Variants in CSMD1 observed in about 807,000 individuals in gnomAD.
CSMD1 encodes the protein CUB and Sushi multiple domains 1, also known as CUB and sushi domain-containing protein 1.
A neutral mutation model predicts 417.5 loss-of-function variants in CSMD1; 213 were observed. That is an observed-to-expected ratio of 0.51 (90% CI 0.46 to 0.57). CSMD1 has a LOEUF of 0.57. CSMD1 is among the 20% of genes least tolerant of loss of function. The pLI is 0.00. For missense variants in CSMD1, 6,923 were observed against 4,529.7 expected, an observed-to-expected ratio of 1.53 and a Z score of -15.17; for synonymous variants, 2,862 against 1,736.8, an observed-to-expected ratio of 1.65 and a Z score of -16.11.
chr8:2,992,797 G>C (rs907777814), intron 54 of CSMD1, among the ~76,000 whole-genome samples: 4 of 151,982 alleles, frequency 2.6e-5, no homozygotes, highest in Non-Finnish European at 2.9e-5. Flanking sequence ...GGCTGGAAGT[G>C]CCGTGTCTTG....
At chr8:4,075,613 C>G (rs1393570302) in intron 3 of CSMD1, among the ~76,000 whole-genome samples, 1 of 152,120 alleles carries the variant, frequency 6.6e-6, no homozygotes, top group East Asian at 1.9e-4. Flanking sequence ...CGGAGTTAAT[C>G]TATTATTGTA....
chr8:3,514,789 T>C (rs28621944), intron 10 of CSMD1, among the ~76,000 whole-genome samples: 22,447 of 152,134 alleles, frequency 0.15, 1,785 homozygotes, highest in Admixed American at 0.22. Flanking sequence ...CTTTAGTGAT[T>C]AAACTGTAAC....
chr8:3,367,639 A>T (rs896437679), intron 19 of CSMD1, among the ~76,000 whole-genome samples: 2 of 152,234 alleles, frequency 1.3e-5, no homozygotes, highest in Non-Finnish European at 2.9e-5. Flanking sequence ...AATGAAAAAA[A>T]GCAGAAGGGA....
chr8:3,499,237 A>G (rs1266595296), intron 10 of CSMD1, among the ~76,000 whole-genome samples: 2 of 152,174 alleles, frequency 1.3e-5, no homozygotes, highest in Non-Finnish European at 2.9e-5. Flanking sequence ...TGCAGTCTTC[A>G]TGATATTTAT....
intron 5 of CSMD1, among the ~76,000 whole-genome samples, chr8:3,980,705 C>A (rs960669041): frequency 1.3e-5 from 2 of 152,080 alleles, no homozygotes; most frequent in Non-Finnish European, 2.9e-5. Flanking sequence ...TTTAAAAGAA[C>A]GATGTGACAA....
chr8:3,151,455 T>A lies in CSMD1; in HGVS notation c.5973A>T (p.Pro1991=), dbSNP rs568546651. 10 of 1,613,888 alleles carry A rather than the reference T, an allele frequency of 6.2e-6. No individual in the cohort carries two copies. In the African/African-American group the frequency reaches 1.3e-4, roughly 22 times the overall value. ...LGGVILSPGF[P]GSYPNNLDCT... ...AGTCTAAGTTGTTGGGGTAAGAACC[T>A]GGGAAGCCGGGGCTCAGGATCACAC... Residue 1991 remains proline, a synonymous_variant, in exon 40 of 70, where the codon CCA becomes CCT. Coordinates refer to ENST00000635120, the MANE Select transcript of CSMD1 (RefSeq NM_033225.6).
intron 1 of CSMD1, among the ~76,000 whole-genome samples, chr8:4,972,524 G>T (rs114350238): frequency 0.022 from 3,364 of 152,196 alleles, 143 homozygotes; most frequent in African/African-American, 0.077. Context: ...TGCCATGATT[G>T]TAAGTTTCCT....
intron 3 of CSMD1, among the ~76,000 whole-genome samples, chr8:4,251,392 C>G (rs1407786781): frequency 6.6e-6 from 1 of 152,132 alleles, no homozygotes; most frequent in East Asian, 1.9e-4. Context: ...TTGATGTCCT[C>G]CTATAAAGTT....
intron 5 of CSMD1, among the ~76,000 whole-genome samples, chr8:3,933,940 CCAGGGACCTAGG>C (rs1174550461): frequency 6.6e-6 from 1 of 152,060 alleles, no homozygotes; most frequent in Non-Finnish European, 1.5e-5. Flanking sequence ...GAAAAACCAG[CCAGGGACCTAGG>C]CAGGGACCAC....
intron 5 of CSMD1, among the ~76,000 whole-genome samples, chr8:3,907,440 G>A (rs1015982809): frequency 1.3e-5 from 2 of 152,148 alleles, no homozygotes; most frequent in African/African-American, 4.8e-5. Flanking sequence ...TAGAGATAAA[G>A]CAAAGCTGTC....
At chr8:3,105,015 A>G (rs1585360504) in intron 46 of CSMD1, among the ~76,000 whole-genome samples, 1 of 152,220 alleles carries the variant, frequency 6.6e-6, no homozygotes, top group South Asian at 2.1e-4. Flanking sequence ...CAGTTATCAG[A>G]CCTTTGAAGA....
Position 4,878,720 on chromosome 8 carries a change from C to T in CSMD1, c.85+115612G>A, listed in dbSNP as rs558074924. 4.6e-4 allele frequency among the ~76,000 whole-genome samples: 70 copies of T among 151,902 alleles called. 1 individual carries two copies. The highest frequency in any genetic ancestry group is 1.7e-3 in the African/African-American group (69 of 41,364). ...ACCCATTTTTACAGTTGAAATGGCA[C>T]CCAGCAGTATCTTTTGTGTAGAAAA... is the stretch of plus-strand genomic sequence containing the variant. On this transcript the variant is annotated intron_variant, in intron 1 of 69. Coordinates refer to ENST00000635120, the MANE Select transcript of CSMD1 (RefSeq NM_033225.6).
At chr8:3,782,523 C>T (rs921104601) in intron 5 of CSMD1, among the ~76,000 whole-genome samples, 5 of 152,208 alleles carry the variant, frequency 3.3e-5, no homozygotes, top group African/African-American at 4.8e-5. Flanking sequence ...GGAGGGATAG[C>T]ATGAGGAGAA....
intron 3 of CSMD1, among the ~76,000 whole-genome samples, chr8:4,353,336 CT>C (rs1162476226): frequency 4.6e-5 from 7 of 152,242 alleles, no homozygotes; most frequent in African/African-American, 7.2e-5. Flanking sequence ...TAAGATGTGA[CT>C]TTGCTCCTCC....
chr8:4,345,403 C>T (rs1437195903), intron 3 of CSMD1, among the ~76,000 whole-genome samples: 3 of 151,870 alleles, frequency 2.0e-5, no homozygotes, highest in African/African-American at 7.3e-5. Context: ...TATTTTCATA[C>T]ATGGATACAA....
At chr8:3,514,965 A>G (rs1797226357) in intron 10 of CSMD1, among the ~76,000 whole-genome samples, 1 of 152,238 alleles carries the variant, frequency 6.6e-6, no homozygotes, top group Non-Finnish European at 1.5e-5. Flanking sequence ...ATTGGAATAT[A>G]TCAAAGTGCC....
At chr8:3,753,641 T>A (rs1271778387) in intron 6 of CSMD1, among the ~76,000 whole-genome samples, 1 of 152,216 alleles carries the variant, frequency 6.6e-6, no homozygotes, top group African/African-American at 2.4e-5. Flanking sequence ...ATTTACAGAT[T>A]AGATGCATAA....
At chr8:4,848,224 G>C (rs1366371177) in intron 1 of CSMD1, among the ~76,000 whole-genome samples, 1 of 152,170 alleles carries the variant, frequency 6.6e-6, no homozygotes, top group Non-Finnish European at 1.5e-5. Flanking sequence ...TTCATCTAGT[G>C]ATAGACTATT....
chr8:4,359,909 T>A, intron 3 of CSMD1, among the ~76,000 whole-genome samples: 1 of 152,202 alleles, frequency 6.6e-6, no homozygotes, highest in East Asian at 1.9e-4. Flanking sequence ...TAACCACAGT[T>A]TAAAACATCA....
Sources: allele counts gnomAD v4.1 joint callset (sites outside exome capture counted in the v4.1 genomes callset), GRCh38; gene constraint gnomAD v4.1.1; transcripts MANE v1.5; gene names NCBI Gene and HGNC (gene_info 2026-07-23, HGNC 2026-07-21).